Variants in ME2 observed in about 807,000 individuals in gnomAD.
ME2 encodes NAD-dependent malic enzyme, mitochondrial.
A neutral mutation model predicts 73.7 loss-of-function variants in ME2; 60 were observed. That is an observed-to-expected ratio of 0.81 (90% CI 0.66 to 1.01). The LOEUF (loss-of-function observed/expected upper bound fraction) is 1.01. Among genes scored for constraint, ME2 ranks in the 50% least tolerant of loss-of-function variants. The pLI is 0.00. For synonymous variants in ME2, 199 were observed against 236.9 expected, an observed-to-expected ratio of 0.84 and a Z score of 1.47; for missense variants, 594 against 705.5, an observed-to-expected ratio of 0.84 and a Z score of 1.79.
At chr18:50,945,873 C>A (rs1010739426) in intron 15 of ME2, among the ~76,000 whole-genome samples, 5 of 152,060 alleles carry the variant, frequency 3.3e-5, no homozygotes, top group African/African-American at 1.2e-4. Context: ...TCAGGAGCAG[C>A]CTAGCCAACA....
intron 3 of ME2, among the ~76,000 whole-genome samples, 153 bp from the exon 4 acceptor site, chr18:50,912,648 T>C (rs779426448): frequency 7.2e-5 from 11 of 152,196 alleles, no homozygotes; most frequent in Admixed American, 2.0e-4. Flanking sequence ...GGGTGTTAAA[T>C]AGTAATAATC....
chr18:50,939,276 CT>C, intron 13 of ME2: 1 of 242,298 alleles, frequency 4.1e-6, no homozygotes. Flanking sequence ...TAGAGGTGGG[CT>C]GGGAACTGGA....
chr18:50,925,082 C>CAAG (rs945135210), intron 11 of ME2, among the ~76,000 whole-genome samples: 4 of 151,962 alleles, frequency 2.6e-5, no homozygotes, highest in African/African-American at 9.7e-5. Flanking sequence ...TGGTATTTTT[C>CAAG]TCTTTGTGAC....
chr18:50,917,376 T>A lies in ME2; in HGVS notation c.498T>A (p.Ile166=). ...KAVVVTDGER[I]LGLGDLGVYG... ...TTGTAGTGACTGATGGAGAGAGAAT[T>A]CTGGGTCTTGGAGATCTGGGTGTCT... Residue 166 remains isoleucine (I), a synonymous_variant, in exon 6 of 16, where the codon ATT becomes ATA. Coordinates refer to ENST00000321341, the MANE Select transcript of ME2 (RefSeq NM_002396.5). 1 of 1,613,736 alleles carries A rather than the reference T, an allele frequency of 6.2e-7. No homozygotes were observed. Among genetic ancestry groups the A allele is most frequent in the South Asian group, 1.1e-5 (1 of 91,056 alleles).
At position 50,909,616 on chromosome 18, in the gene ME2, T is replaced by C. The variant is rs558162535; in HGVS notation, c.242+1420T>C. 5.3e-5 allele frequency among the ~76,000 whole-genome samples: 8 copies of C among 152,244 alleles called. No individual in the cohort carries two copies. The South Asian group carries it at 1.4e-3, about 28-fold the overall frequency. On this transcript the variant is annotated intron_variant, in intron 3 of 15. Transcript: ENST00000321341. Reference sequence around the variant, plus strand: ...ATTGGTGACTGGTAAGAGTGGTTTCTTTGATGTGATAGAGCAAAAGAGATA... The same window carrying C: ...ATTGGTGACTGGTAAGAGTGGTTTCCTTGATGTGATAGAGCAAAAGAGATA...
At position 50,947,113 on chromosome 18, in the gene ME2, T is replaced by C; in HGVS notation, c.1684T>C (p.Tyr562His). ...TAAAGAAAGAACATGGCGGAGTGAA[T>C]ATGATTCCCTGCTGCCAGATGTGTA... ...YVKERTWRSE[Y>H]DSLLPDVYEW... is the part of the protein sequence containing the mutation. Residue 562 changes from tyrosine (Y) to histidine (H), a missense_variant, in exon 16 of 16, where the codon TAT becomes CAT. Transcript: ENST00000321341. 1 of 1,614,038 alleles carries C rather than the reference T, an allele frequency of 6.2e-7. No individual in the cohort carries two copies. Among genetic ancestry groups the C allele is most frequent in the Non-Finnish European group, 8.5e-7 (1 of 1,180,004 alleles).
chr18:50,897,015 T>TAG (rs1568161025), intron 2 of ME2, among the ~76,000 whole-genome samples: 1 of 152,248 alleles, frequency 6.6e-6, no homozygotes, highest in Non-Finnish European at 1.5e-5. Context: ...AGTTCTCCTG[T>TAG]AGAACCTTTT....
intron 2 of ME2, among the ~76,000 whole-genome samples, chr18:50,905,195 C>T (rs1212074346): frequency 2.6e-5 from 4 of 152,070 alleles, no homozygotes; most frequent in Non-Finnish European, 2.9e-5. Flanking sequence ...CCATGTTGGC[C>T]AGGATGGTCT....
intron 5 of ME2, 23 bp from the exon 6 acceptor site, chr18:50,917,324 A>G (rs1917308018): frequency 1.3e-6 from 2 of 1,586,738 alleles, no homozygotes; most frequent in African/African-American, 2.7e-5. Flanking sequence ...ACAACTTTTA[A>G]TTTGCATTTT....
intron 2 of ME2, among the ~76,000 whole-genome samples, chr18:50,906,915 C>A (rs1416042241): frequency 1.3e-5 from 2 of 152,130 alleles, no homozygotes; most frequent in African/African-American, 2.4e-5. Flanking sequence ...ATGTATGTGA[C>A]CTTCTAGAGT....
Position 50,941,353 on chromosome 18 carries a change from CTTTTTTTTTTTTT to C in ME2, c.1587+986_1587+998del, listed in dbSNP as rs57428974. Among the ~76,000 whole-genome samples, 16 of 63,820 alleles carry C rather than the reference CTTTTTTTTTTTTT, an allele frequency of 2.5e-4. 1 individual carries two copies. The highest frequency in any genetic ancestry group is 6.4e-4 in the African/African-American group (8 of 12,418). 41.9% of individuals were successfully genotyped at this position (63,820 alleles called of 152,430 possible). A position where few individuals can be genotyped will look rare whatever the true frequency, so the allele number is the denominator to read the frequency against. ...TCTTTGTGTGTATTTGTGATGGTTT[CTTTTTTTTTTTTT>C]TTTTTTTTTTTTTTTTTTGAGACAG... On this transcript the variant is annotated intron_variant, in intron 15 of 15. Coordinates refer to ENST00000321341, the MANE Select transcript of ME2 (RefSeq NM_002396.5).
chr18:50,937,739 AAAG>A (rs549617618), intron 13 of ME2, among the ~76,000 whole-genome samples: 112 of 152,180 alleles, frequency 7.4e-4, no homozygotes, highest in Non-Finnish European at 1.2e-3. Context: ...TTGATAGCAG[AAAG>A]AAGAAAAAGA....
intron 3 of ME2, among the ~76,000 whole-genome samples, chr18:50,912,019 A>C (rs1241288654): frequency 6.6e-6 from 1 of 152,180 alleles, no homozygotes; most frequent in Non-Finnish European, 1.5e-5. Context: ...GCTACTTAGC[A>C]GGTAGACTCT....
At chr18:50,922,068 A>C (rs1164847390) in intron 10 of ME2, among the ~76,000 whole-genome samples, 1 of 152,244 alleles carries the variant, frequency 6.6e-6, no homozygotes. Flanking sequence ...ATGTCTGTGG[A>C]GCAAGCTATC....
chr18:50,912,741 G>A, intron 3 of ME2, 60 bp from the exon 4 acceptor site: 1 of 1,312,968 alleles, frequency 7.6e-7, no homozygotes, highest in Non-Finnish European at 1.0e-6. Flanking sequence ...ACTTTCATAA[G>A]CCAAGACTTT....
At chr18:50,941,403 G>A (rs1209376524) in intron 15 of ME2, among the ~76,000 whole-genome samples, 2 of 89,520 alleles carry the variant, frequency 2.2e-5, no homozygotes, top group Admixed American at 1.8e-4. Flanking sequence ...GTCTTGCTCT[G>A]TCACCCAGGC....
intron 15 of ME2, among the ~76,000 whole-genome samples, chr18:50,944,813 C>T (rs183261093): frequency 9.9e-5 from 15 of 151,890 alleles, no homozygotes; most frequent in South Asian, 2.1e-4. Flanking sequence ...TCTAGTCTGC[C>T]GCCTTCTCTC....
At chr18:50,932,045 T>C (rs1394655229) in intron 12 of ME2, among the ~76,000 whole-genome samples, 1 of 152,146 alleles carries the variant, frequency 6.6e-6, no homozygotes, top group Admixed American at 6.6e-5. Flanking sequence ...TTTTTAACTT[T>C]ATTATTTATT....
intron 1 of ME2, among the ~76,000 whole-genome samples, chr18:50,893,753 C>T (rs1432966832): frequency 1.3e-5 from 2 of 152,184 alleles, no homozygotes; most frequent in African/African-American, 4.8e-5. Context: ...GCTGCCTTTT[C>T]CTCTTACTCT....
Sources: gnomAD v4.1 joint callset for allele counts (sites outside exome capture counted in the v4.1 genomes callset) on GRCh38, gnomAD v4.1.1 for gene constraint, MANE v1.5 for transcripts, NCBI Gene and HGNC (gene_info 2026-07-23, HGNC 2026-07-21) for gene names.